Variants in BTLA observed in about 807,000 individuals in gnomAD.
BTLA encodes B- and T-lymphocyte attenuator.
In BTLA, 11 loss-of-function variants were observed where a neutral mutation model predicts 25.0. The ratio of observed to expected loss-of-function variants is 0.44; its 90% CI spans 0.28 to 0.73. The LOEUF is 0.73. BTLA is among the 30% of genes least tolerant of loss of function. BTLA has a pLI of 0.15. For missense variants in BTLA, 282 were observed against 332.8 expected, an observed-to-expected ratio of 0.85 and a Z score of 1.19; for synonymous variants, 104 against 119.8, an observed-to-expected ratio of 0.87 and a Z score of 0.86.
chr3:112,468,244 T>C (rs1282179406), intron 4 of BTLA, among the ~76,000 whole-genome samples: 1 of 152,264 alleles, frequency 6.6e-6, no homozygotes, highest in Non-Finnish European at 1.5e-5. Context: ...AGGCAAGCAC[T>C]TTATACCCTC....
At chr3:112,477,787 T>C (rs972822798) in intron 2 of BTLA, among the ~76,000 whole-genome samples, 1 of 152,074 alleles carries the variant, frequency 6.6e-6, no homozygotes, top group African/African-American at 2.4e-5. Context: ...CTGACTTATT[T>C]TGATTGCTTA....
chr3:112,481,795 C>T (rs990540553), intron 1 of BTLA, among the ~76,000 whole-genome samples: 3 of 152,176 alleles, frequency 2.0e-5, no homozygotes, highest in African/African-American at 7.2e-5. Context: ...TCTTTCTATT[C>T]TGCTTCTCTT....
chr3:112,495,937 C>T (rs2082406754), intron 1 of BTLA, among the ~76,000 whole-genome samples: 1 of 152,196 alleles, frequency 6.6e-6, no homozygotes, highest in Non-Finnish European at 1.5e-5. Context: ...AGACATAGCC[C>T]TAACCACTGT....
intron 4 of BTLA, 107 bp downstream of exon 4, chr3:112,469,641 ATATATATAGT>A (rs1192811401): frequency 7.1e-6 from 2 of 281,384 alleles, no homozygotes; most frequent in African/African-American, 5.1e-5. Context: ...ATATATATAT[ATATATATAGT>A]ACATAGAATA....
chr3:112,474,802 A>G (rs951266146), intron 2 of BTLA, among the ~76,000 whole-genome samples: 2 of 152,202 alleles, frequency 1.3e-5, no homozygotes, highest in Admixed American at 1.3e-4. Context: ...ACACAGGGCA[A>G]TGATGGAGAT....
chr3:112,479,724 T>G lies in BTLA; in HGVS notation c.134A>C (p.Glu45Ala). 6.2e-7 allele frequency: 1 copy of G among 1,613,546 alleles called. No homozygotes were observed. The highest frequency in any genetic ancestry group is 1.7e-4 in the Middle Eastern group (1 of 6,050). ...GGGATCTCCTGCTAAGATGGAGTGT[T>G]CAGATTGTCTCTTTATATAAAGCTG... ...DVQLYIKRQS[E>A]HSILAGDPFE... Residue 45 changes from glutamate to alanine, a missense_variant, in exon 2 of 5, where the codon GAA (glutamate) becomes GCA (alanine). Around this residue, in one of 2 missense-constraint regions of BTLA, gnomAD observed 163 missense variants for 230.4 expected, o/e 0.71. Transcript: ENST00000334529.
chr3:112,475,047 A>G (rs539562932), intron 2 of BTLA, among the ~76,000 whole-genome samples: 1 of 152,354 alleles, frequency 6.6e-6, no homozygotes, highest in South Asian at 2.1e-4. Context: ...GGGAAATACT[A>G]AAGACAAAGA....
chr3:112,483,967 CAAA>C (rs34500950), intron 1 of BTLA, among the ~76,000 whole-genome samples: 22,944 of 128,816 alleles, frequency 0.18, 3,675 homozygotes, highest in African/African-American at 0.43. Flanking sequence ...GACTCTGTCT[CAAA>C]AAAAAAAAAA....
intron 1 of BTLA, among the ~76,000 whole-genome samples, chr3:112,489,883 G>A (rs1236037547): frequency 6.6e-6 from 1 of 152,186 alleles, no homozygotes; most frequent in Non-Finnish European, 1.5e-5. Context: ...GGCCACCAGG[G>A]AAGGGAAATA....
At chr3:112,498,617 G>T in intron 1 of BTLA, among the ~76,000 whole-genome samples, 1 of 141,600 alleles carries the variant, frequency 7.1e-6, no homozygotes, top group Non-Finnish European at 1.5e-5. Context: ...TTGCAGGGGT[G>T]GCTAAATATC....
At chr3:112,482,717 G>C (rs532820539) in intron 1 of BTLA, among the ~76,000 whole-genome samples, 1 of 152,264 alleles carries the variant, frequency 6.6e-6, no homozygotes, top group Admixed American at 6.5e-5. Flanking sequence ...TTCACTTTAA[G>C]ACTTCTTAAT....
intron 2 of BTLA, among the ~76,000 whole-genome samples, chr3:112,478,776 T>C (rs1559825984): frequency 6.6e-6 from 1 of 152,156 alleles, no homozygotes. Flanking sequence ...AAACCAAGTA[T>C]TTTTTACTCT....
At chr3:112,487,139 G>A (rs1440477600) in intron 1 of BTLA, among the ~76,000 whole-genome samples, 3 of 152,200 alleles carry the variant, frequency 2.0e-5, no homozygotes, top group African/African-American at 7.2e-5. Flanking sequence ...TTTGTCAAAT[G>A]ATATATACTA....
At chr3:112,479,023 C>A (rs1197932471) in intron 2 of BTLA, among the ~76,000 whole-genome samples, 1 of 151,354 alleles carries the variant, frequency 6.6e-6, no homozygotes, top group African/African-American at 2.4e-5. Context: ...TGCCTAAGCA[C>A]CACAAACATA....
At chr3:112,487,755 T>C (rs1356056326) in intron 1 of BTLA, among the ~76,000 whole-genome samples, 2 of 152,212 alleles carry the variant, frequency 1.3e-5, no homozygotes, top group Non-Finnish European at 2.9e-5. Flanking sequence ...CTTTTCAATT[T>C]TGCCATTAGA....
At chr3:112,498,878 A>G (rs562772432) in intron 1 of BTLA, among the ~76,000 whole-genome samples, 1 of 152,292 alleles carries the variant, frequency 6.6e-6, no homozygotes, top group South Asian at 2.1e-4. Context: ...TACCCAACTG[A>G]GCACTGCAGC....
chr3:112,487,517 G>A (rs1238185237), intron 1 of BTLA, among the ~76,000 whole-genome samples: 4 of 151,990 alleles, frequency 2.6e-5, no homozygotes, highest in East Asian at 1.9e-4. Flanking sequence ...CCCAGGAGGC[G>A]GAGGTTGCGG....
At chr3:112,494,082 C>T (rs1275193587) in intron 1 of BTLA, among the ~76,000 whole-genome samples, 1 of 152,072 alleles carries the variant, frequency 6.6e-6, no homozygotes, top group African/African-American at 2.4e-5. Context: ...TGCACTCCAG[C>T]CTGGGCGACA....
chr3:112,471,924 A>G (rs946906400), intron 2 of BTLA, among the ~76,000 whole-genome samples: 3 of 152,240 alleles, frequency 2.0e-5, no homozygotes, highest in Non-Finnish European at 4.4e-5. Context: ...ATCAATGTTA[A>G]TACGCATTGA....
Sources: allele counts gnomAD v4.1 joint callset (sites outside exome capture counted in the v4.1 genomes callset), GRCh38; gene constraint gnomAD v4.1.1; regional missense constraint gnomAD v4.1.1; transcripts MANE v1.5; gene names NCBI Gene and HGNC (gene_info 2026-07-23, HGNC 2026-07-21).